Variants in ARFIP1 observed in about 807,000 individuals in gnomAD.
ARFIP1 encodes the protein arfaptin-1.
ARFIP1 carries 24 observed loss-of-function variants against 42.5 expected under a neutral mutation model. That is an observed-to-expected ratio of 0.57 (90% confidence interval 0.41 to 0.80). The LOEUF (loss-of-function observed/expected upper bound fraction) is 0.80. Ranked by LOEUF, ARFIP1 falls within the 30% of genes least tolerant of loss-of-function variation. The pLI, the probability that ARFIP1 is intolerant of heterozygous loss-of-function variation, is 0.00. For synonymous variants in ARFIP1, 141 were observed against 153.7 expected, an observed-to-expected ratio of 0.92 and a Z score of 0.61; for missense variants, 354 against 434.0, an observed-to-expected ratio of 0.82 and a Z score of 1.64.
intron 1 of ARFIP1, chr4:152,796,641 C>T (rs1731487591): frequency 4.5e-6 from 4 of 891,286 alleles, no homozygotes; most frequent in Non-Finnish European, 5.5e-6. Context: ...TTTCATGCAT[C>T]TTGATGGTCT....
At chr4:152,885,457 C>T (rs1054106757) in intron 7 of ARFIP1, among the ~76,000 whole-genome samples, 3 of 151,938 alleles carry the variant, frequency 2.0e-5, no homozygotes, top group African/African-American at 7.2e-5. Context: ...CACCTGTTCT[C>T]TAGAAGTTTT....
intron 8 of ARFIP1, among the ~76,000 whole-genome samples, chr4:152,889,498 CATATATATATATATATATAT>C (rs71595203): frequency 4.7e-5 from 2 of 42,772 alleles, no homozygotes; most frequent in African/African-American, 1.4e-4. Flanking sequence ...TCATTTTAGT[CATATATATATATATATATAT>C]ATATATATAT....
chr4:152,809,202 G>A (rs893379334), intron 1 of ARFIP1, among the ~76,000 whole-genome samples: 3 of 152,160 alleles, frequency 2.0e-5, no homozygotes, highest in East Asian at 1.9e-4. Context: ...CATGCTTATA[G>A]CACTGGTTCT....
intron 2 of ARFIP1, among the ~76,000 whole-genome samples, chr4:152,857,138 A>G (rs1173971648): frequency 1.3e-5 from 2 of 152,224 alleles, no homozygotes; most frequent in Non-Finnish European, 2.9e-5. Context: ...GTTCTTTAAA[A>G]CAATATGTAG....
chr4:152,799,571 C>A (rs377494661), intron 1 of ARFIP1, among the ~76,000 whole-genome samples: 1 of 152,128 alleles, frequency 6.6e-6, no homozygotes, highest in Non-Finnish European at 1.5e-5. Flanking sequence ...GTATTCCTTG[C>A]GGGGGATTCA....
At chr4:152,818,762 C>G (rs1347323215) in intron 1 of ARFIP1, among the ~76,000 whole-genome samples, 1 of 152,142 alleles carries the variant, frequency 6.6e-6, no homozygotes, top group Non-Finnish European at 1.5e-5. Context: ...CTGCCTAGGA[C>G]CTAGGTGGCT....
chr4:152,843,078 TGTCGTTCAGATTTTTTTTGTCCTATGG>T (rs1206816973), intron 2 of ARFIP1, among the ~76,000 whole-genome samples: 1 of 152,184 alleles, frequency 6.6e-6, no homozygotes, highest in African/African-American at 2.4e-5. Context: ...GGCTGAAGGC[TGTCGTTCAGATTTTTTTTGTCCTATGG>T]GGTGTTCGCT....
At chr4:152,873,824 C>T (rs889269854) in intron 5 of ARFIP1, among the ~76,000 whole-genome samples, 3 of 152,172 alleles carry the variant, frequency 2.0e-5, no homozygotes, top group Admixed American at 1.3e-4. Flanking sequence ...TTCAGTCAAT[C>T]CCCACTGTTT....
chr4:152,904,196 A>ATTT (rs531633052), intron 8 of ARFIP1, among the ~76,000 whole-genome samples: 2,821 of 87,902 alleles, frequency 0.032, 35 homozygotes, highest in Non-Finnish European at 0.044. Flanking sequence ...ATATATATAT[A>ATTT]TATTTTTTTT....
chr4:152,818,256 A>T (rs1484038328), intron 1 of ARFIP1, among the ~76,000 whole-genome samples: 1 of 152,154 alleles, frequency 6.6e-6, no homozygotes, highest in Non-Finnish European at 1.5e-5. Flanking sequence ...TACACCATGA[A>T]CCCGACAGAA....
chr4:152,827,580 C>G (rs1227872813), intron 1 of ARFIP1, among the ~76,000 whole-genome samples: 1 of 152,210 alleles, frequency 6.6e-6, no homozygotes, highest in Non-Finnish European at 1.5e-5. Flanking sequence ...TCCTCACTAA[C>G]TTCTAGCACC....
At chr4:152,877,771 G>C (rs995263573) in intron 5 of ARFIP1, among the ~76,000 whole-genome samples, 1 of 152,132 alleles carries the variant, frequency 6.6e-6, no homozygotes, top group African/African-American at 2.4e-5. Flanking sequence ...TCTTGTCTGT[G>C]CTATTCTTGT....
intron 1 of ARFIP1, among the ~76,000 whole-genome samples, chr4:152,820,669 A>C (rs1730295933): frequency 2.0e-5 from 3 of 152,180 alleles, no homozygotes; most frequent in Non-Finnish European, 4.4e-5. Flanking sequence ...ATGAGAACTC[A>C]CTATCGCAAG....
At chr4:152,806,800 CTTTT>C (rs33959288) in intron 1 of ARFIP1, among the ~76,000 whole-genome samples, 1 of 149,322 alleles carries the variant, frequency 6.7e-6, no homozygotes, top group African/African-American at 2.5e-5. Flanking sequence ...TTGTGCCTGA[CTTTT>C]TTTTTTTTAG....
chr4:152,887,946 T>C (rs1287658762), intron 7 of ARFIP1, among the ~76,000 whole-genome samples, 187 bp from the exon 8 acceptor site: 1 of 152,124 alleles, frequency 6.6e-6, no homozygotes, highest in Non-Finnish European at 1.5e-5. Context: ...CCAGCAGCTT[T>C]GTTCTTATTT....
chr4:152,866,536 G>A (rs563768764), intron 3 of ARFIP1, among the ~76,000 whole-genome samples: 11 of 104,442 alleles, frequency 1.1e-4, no homozygotes, highest in East Asian at 2.8e-4. Flanking sequence ...GCGGCTGGCC[G>A]CGCGGGGGCT....
chr4:152,835,683 A>G (rs1233163537), intron 2 of ARFIP1, among the ~76,000 whole-genome samples: 1 of 152,226 alleles, frequency 6.6e-6, no homozygotes, highest in African/African-American at 2.4e-5. Context: ...CATTTATAGC[A>G]ATACTTACTC....
chr4:152,799,766 A>G (rs1016359665), intron 1 of ARFIP1, among the ~76,000 whole-genome samples: 3 of 152,212 alleles, frequency 2.0e-5, no homozygotes, highest in African/African-American at 7.2e-5. Context: ...AAGATTGTGC[A>G]TGTGTGTTCT....
At chr4:152,814,101 T>TC (rs1729687050) in intron 1 of ARFIP1, among the ~76,000 whole-genome samples, 5 of 113,856 alleles carry the variant, frequency 4.4e-5, no homozygotes, top group East Asian at 2.5e-4. Flanking sequence ...CTTCTTCTTT[T>TC]TTTTTTTTTT....
Sources: gnomAD v4.1 joint callset for allele counts (sites outside exome capture counted in the v4.1 genomes callset) on GRCh38, gnomAD v4.1.1 for gene constraint, MANE v1.5 for transcripts, NCBI Gene and HGNC (gene_info 2026-07-23, HGNC 2026-07-21) for gene names.